The following CNBD2 variants were observed in gnomAD, a reference collection of about 807,000 sequenced individuals.
CNBD2 encodes cyclic nucleotide-binding domain-containing protein 2.
CNBD2 carries 64 observed loss-of-function variants against 63.7 expected under a neutral mutation model. The ratio of observed to expected loss-of-function variants is 1.00; its 90% CI spans 0.82 to 1.24. CNBD2 has a LOEUF of 1.24. CNBD2 is among the 50% of genes most tolerant of loss of function. The pLI, the probability that CNBD2 is intolerant of heterozygous loss-of-function variation, is 0.00. For missense variants in CNBD2, 691 were observed against 713.5 expected (o/e 0.97, Z 0.36); for synonymous variants, 229 against 255.4 (o/e 0.90, Z 0.99).
At chr20:36,011,452 C>G (rs1416854214) in intron 10 of CNBD2, among the ~76,000 whole-genome samples, 195 bp downstream of exon 10, 1 of 151,914 alleles carries the variant, frequency 6.6e-6, no homozygotes, top group Non-Finnish European at 1.5e-5. Flanking sequence ...TATGAGAGGC[C>G]GAGGTGGGCA....
At chr20:35,985,335 G>T (rs987826637) in intron 6 of CNBD2, among the ~76,000 whole-genome samples, 5 of 150,772 alleles carry the variant, frequency 3.3e-5, no homozygotes, top group South Asian at 2.2e-4. Context: ...CCAGCTAATT[G>T]TTCTATTATT....
intron 8 of CNBD2, among the ~76,000 whole-genome samples, chr20:35,998,874 CAAAAAAAAAAAA>C (rs74173968): frequency 4.2e-5 from 2 of 47,376 alleles, no homozygotes; most frequent in South Asian, 8.6e-4. Context: ...CTGTGTCTCT[CAAAAAAAAAAAA>C]AAAAAAAAAA....
chr20:35,997,384 G>C (rs2056839963), intron 8 of CNBD2, among the ~76,000 whole-genome samples: 1 of 152,176 alleles, frequency 6.6e-6, no homozygotes. Context: ...GGAGAGGTTG[G>C]AGCTGAACAG....
At chr20:36,000,189 A>G (rs1203596610) in intron 8 of CNBD2, among the ~76,000 whole-genome samples, 1 of 152,160 alleles carries the variant, frequency 6.6e-6, no homozygotes, top group Non-Finnish European at 1.5e-5. Context: ...TCTATGTCTG[A>G]AAACTATTTT....
At chr20:35,983,907 C>T in intron 4 of CNBD2, 75 bp from the exon 5 acceptor site, 1 of 1,555,420 alleles carries the variant, frequency 6.4e-7, no homozygotes, top group Middle Eastern at 1.8e-4. Context: ...AAGAGCACAA[C>T]CAGTCCAGAG....
At chr20:35,993,633 T>A (rs6060744) in intron 7 of CNBD2, among the ~76,000 whole-genome samples, 34,573 of 152,082 alleles carry the variant, frequency 0.23, 4,178 homozygotes, top group South Asian at 0.42. Flanking sequence ...ACATCTTATA[T>A]GTTCATAGAG....
At chr20:36,029,455 G>A (rs1348550613) in intron 11 of CNBD2, among the ~76,000 whole-genome samples, 1 of 152,190 alleles carries the variant, frequency 6.6e-6, no homozygotes, top group Non-Finnish European at 1.5e-5. Flanking sequence ...AGATGCCGGA[G>A]GAGGACCCTG....
chr20:36,003,723 A>G (rs1250639454), intron 8 of CNBD2, among the ~76,000 whole-genome samples: 2 of 152,012 alleles, frequency 1.3e-5, no homozygotes, highest in South Asian at 2.1e-4. Flanking sequence ...ACTTCTCCCA[A>G]TTTCTGTGAG....
chr20:35,998,140 C>T (rs1338379400), intron 8 of CNBD2, among the ~76,000 whole-genome samples: 5 of 148,816 alleles, frequency 3.4e-5, no homozygotes, highest in Non-Finnish European at 5.9e-5. Flanking sequence ...CCCCCAGGTT[C>T]GAGCAATTCT....
Position 35,968,653 on chromosome 20 carries a change from A to T in CNBD2, c.-110A>T. 1 of 750,920 alleles carries T rather than the reference A, an allele frequency of 1.3e-6. No homozygotes were observed. The highest frequency in any genetic ancestry group is 2.3e-6 in the Non-Finnish European group (1 of 442,396). The allele number at this position is 750,920 out of a possible 1,614,324, so 46.5% of individuals were successfully genotyped here. A position where few individuals can be genotyped will look rare whatever the true frequency, so the allele number is the denominator to read the frequency against. ...AGTGGAGTGGAGCTCTTGCCTTGTT[A>T]CTGAGGAAATCTATTTGTTTCTAGT... is the stretch of plus-strand genomic sequence containing the variant. On this transcript the variant is annotated 5_prime_UTR_variant, in exon 1 of 12. Transcript: ENST00000373973.
In CNBD2 at chr20:35,980,567, C is replaced by T. The variant is rs201812279; in HGVS notation, c.352C>T (p.Arg118Trp). ...CATCTTGCAGGTTCTGGATAGCTAT[C>T]GGAACTACGCAGAGCCCCTGCAGCT... ...CNILQVLDSY[R>W]NYAEPLQLLL... The change falls in exon 4 of 12, where the codon CGG (arginine) becomes TGG (tryptophan). Residue 118 changes from arginine (R) to tryptophan (W), a missense_variant. Transcript: ENST00000373973. 3.0e-5 allele frequency: 48 copies of T among 1,613,970 alleles called. No homozygotes were observed. The highest frequency in any genetic ancestry group is 1.1e-4 in the East Asian group (5 of 44,902).
Position 36,022,139 on chromosome 20 carries a change from G to C in CNBD2, c.1270-1463G>C, listed in dbSNP as rs904361238. 3.4e-5 allele frequency among the ~76,000 whole-genome samples: 5 copies of C among 148,574 alleles called. No individual in the cohort carries two copies. The South Asian group carries it at 8.5e-4, about 25-fold the overall frequency. ...TTCCCCTGCCTCAGCCTCCCAAGTA[G>C]CTGGGATTACAGGCACCGGCCACCA... On this transcript the variant is annotated intron_variant, in intron 10 of 11. Transcript: ENST00000373973.
chr20:35,982,377 C>T (rs2056609609), intron 4 of CNBD2, among the ~76,000 whole-genome samples: 1 of 152,142 alleles, frequency 6.6e-6, no homozygotes, highest in Non-Finnish European at 1.5e-5. Flanking sequence ...AATTTCTCTC[C>T]CACCACTCCC....
intron 2 of CNBD2, among the ~76,000 whole-genome samples, chr20:35,975,331 T>C (rs113389013): frequency 3.7e-4 from 42 of 112,830 alleles, no homozygotes; most frequent in Admixed American, 1.2e-3. Context: ...GATGGAGTCT[T>C]GCTCTGTTGC....
upstream of CNBD2, among the ~76,000 whole-genome samples, chr20:35,965,454 A>G (rs948186328): frequency 3.3e-5 from 5 of 152,174 alleles, no homozygotes; most frequent in African/African-American, 9.7e-5. Context: ...TTGGGATTGC[A>G]GGCATGAGCC....
intron 9 of CNBD2, among the ~76,000 whole-genome samples, chr20:36,010,867 A>T (rs890220325): frequency 6.6e-6 from 1 of 152,126 alleles, no homozygotes; most frequent in Non-Finnish European, 1.5e-5. Flanking sequence ...GCTGCATGGG[A>T]TCATCAGCCC....
At chr20:36,016,619 G>A (rs1042016292) in intron 10 of CNBD2, among the ~76,000 whole-genome samples, 5 of 151,920 alleles carry the variant, frequency 3.3e-5, no homozygotes, top group Non-Finnish European at 5.9e-5. Flanking sequence ...GTGAAACCCT[G>A]TCTCTACTAA....
At chr20:35,976,436 A>G (rs2056519768) in intron 3 of CNBD2, among the ~76,000 whole-genome samples, 1 of 152,164 alleles carries the variant, frequency 6.6e-6, no homozygotes, top group South Asian at 2.1e-4. Flanking sequence ...TGGGTGTCAG[A>G]TACCCTTAAA....
intron 6 of CNBD2, among the ~76,000 whole-genome samples, chr20:35,986,596 T>C (rs562644994): frequency 1.3e-5 from 2 of 152,190 alleles, no homozygotes; most frequent in Non-Finnish European, 2.9e-5. Context: ...CAGACCTTCG[T>C]CCCTGACATG....
Sources: gnomAD v4.1 joint callset for allele counts (sites outside exome capture counted in the v4.1 genomes callset) on GRCh38, gnomAD v4.1.1 for gene constraint, MANE v1.5 for transcripts, NCBI Gene and HGNC (gene_info 2026-07-23, HGNC 2026-07-21) for gene names.